Variants in ELF1 observed in about 807,000 individuals in gnomAD.
ELF1 encodes E74 like ETS transcription factor 1, also known as ETS-related transcription factor Elf-1.
A neutral mutation model predicts 59.9 loss-of-function variants in ELF1; 24 were observed. That is an observed-to-expected ratio of 0.40 (90% CI 0.29 to 0.56). ELF1 has a LOEUF of 0.56. Among genes scored for constraint, ELF1 ranks in the 20% least tolerant of loss-of-function variants. The pLI is 0.44. For synonymous variants in ELF1, 248 were observed against 266.2 expected (o/e 0.93, Z 0.67); for missense variants, 627 against 742.2 (o/e 0.84, Z 1.80).
intron 1 of ELF1, among the ~76,000 whole-genome samples, chr13:41,046,084 C>CT (rs771725106): frequency 2.4e-4 from 36 of 152,200 alleles, no homozygotes; most frequent in Non-Finnish European, 4.6e-4. Context: ...AAAGTCTGTT[C>CT]TATCAGAGAC....
rs532698900 is a variant in ELF1, at chr13:40,941,252, C to G, written c.925G>C (p.Glu309Gln). 6.2e-7 allele frequency: 1 copy of G among 1,614,158 alleles called. No individual in the cohort carries two copies. Among genetic ancestry groups the G allele is most frequent in the East Asian group, 2.2e-5 (1 of 44,876 alleles). Reference protein sequence around the residue: ...INDEDPSSSIESSDPSLSSSA... With the variant: ...INDEDPSSSIQSSDPSLSSSA... ...GAAGATAGCGATGGATCTGAAGACT[C>G]TATGCTGGAACTTGGATCCTCATCA... Residue 309 changes from glutamate to glutamine, a missense_variant, in exon 8 of 9, where the codon GAG (glutamate) becomes CAG (glutamine). By Grantham distance (29) the Glu-to-Gln change is conservative (BLOSUM62 2). This residue lies in a region of ELF1 where 361 missense variants were observed against 396.1 expected (regional missense o/e 0.91). Coordinates refer to ENST00000239882, the MANE Select transcript of ELF1 (RefSeq NM_172373.4).
exon 1 of ELF1, chr13:41,060,908 T>TGCCGCCGCCGCCGCCGCC (rs1157339207): frequency 1.5e-5 from 4 of 275,262 alleles, no homozygotes; most frequent in Non-Finnish European, 2.7e-5. Context: ...CTACTGAAGC[T>TGCCGCCGCCGCCGCCGCC]GCTGCTGCCG....
intron 5 of ELF1, among the ~76,000 whole-genome samples, chr13:40,944,912 T>A (rs1401821763): frequency 6.6e-6 from 1 of 151,922 alleles, no homozygotes; most frequent in Non-Finnish European, 1.5e-5. Flanking sequence ...TGACAATTTA[T>A]CCCCAGAAAT....
At chr13:41,009,760 A>C (rs1219137640) in intron 1 of ELF1, among the ~76,000 whole-genome samples, 1 of 152,132 alleles carries the variant, frequency 6.6e-6, no homozygotes, top group East Asian at 1.9e-4. Context: ...GGGAAAAAAA[A>C]CTTCGAATTA....
intron 7 of ELF1, 80 bp downstream of exon 7, chr13:40,942,872 C>A: frequency 7.3e-7 from 1 of 1,371,758 alleles, no homozygotes; most frequent in South Asian, 1.8e-5. Flanking sequence ...TGGTGCTTTG[C>A]TGAACTTAAG....
chr13:41,018,000 T>C (rs1875515598), intron 1 of ELF1, among the ~76,000 whole-genome samples: 1 of 152,168 alleles, frequency 6.6e-6, no homozygotes, highest in Non-Finnish European at 1.5e-5. Flanking sequence ...CAACAATCCT[T>C]ACAAAAGAGT....
At chr13:40,981,934 A>G in intron 2 of ELF1, 49 bp downstream of exon 2, 1 of 1,577,238 alleles carries the variant, frequency 6.3e-7, no homozygotes, top group South Asian at 1.2e-5. Context: ...ATATGAATAG[A>G]AAAATCATAA....
intron 1 of ELF1, among the ~76,000 whole-genome samples, chr13:41,006,627 TAAC>T (rs2138350622): frequency 6.6e-6 from 1 of 152,312 alleles, no homozygotes; most frequent in South Asian, 2.1e-4. Context: ...AATTATCCTA[TAAC>T]AATATGCAAG....
intron 1 of ELF1, among the ~76,000 whole-genome samples, chr13:41,029,531 A>G (rs764974632): frequency 9.2e-5 from 14 of 151,958 alleles, no homozygotes; most frequent in Non-Finnish European, 1.5e-4. Context: ...ACAGGCATGC[A>G]CCACCATGCC....
chr13:40,946,351 T>C (rs929496493), intron 5 of ELF1, among the ~76,000 whole-genome samples: 2 of 152,196 alleles, frequency 1.3e-5, no homozygotes, highest in Non-Finnish European at 2.9e-5. Context: ...AATGAATATA[T>C]TCATCACCCC....
chr13:41,041,992 C>T (rs1020081384), intron 1 of ELF1, among the ~76,000 whole-genome samples: 4 of 152,126 alleles, frequency 2.6e-5, no homozygotes, highest in African/African-American at 9.7e-5. Flanking sequence ...TCAAATATTT[C>T]CTAAACTCTA....
At chr13:41,001,878 A>G (rs1251349545) in intron 1 of ELF1, among the ~76,000 whole-genome samples, 1 of 152,156 alleles carries the variant, frequency 6.6e-6, no homozygotes, top group Non-Finnish European at 1.5e-5. Flanking sequence ...TCAAAGAAAA[A>G]AAAAAATGGG....
rs186413623 is a variant in ELF1 at position 40,979,067 on chromosome 13, C to T, written c.72+2916G>A. Among the ~76,000 whole-genome samples, 865 of 151,994 alleles carry T rather than the reference C, an allele frequency of 5.7e-3. 8 individuals are homozygous for T. The highest frequency in any genetic ancestry group is 0.014 in the South Asian group (65 of 4,810). On this transcript the variant is annotated intron_variant, in intron 2 of 8. Transcript: ENST00000239882. The stretch of plus-strand genomic sequence containing the variant: ...TTCCTTCCCCCATCTAGTAGTCCCT[C>T]TTTATGTCCACGTAACACAGACTTG...
exon 1 of ELF1, chr13:41,061,099 CTTTT>C (rs79032968): frequency 5.4e-5 from 10 of 185,338 alleles, no homozygotes; most frequent in Non-Finnish European, 1.2e-4. Context: ...AGTTTCACCT[CTTTT>C]TTTTTTAACT....
intron 1 of ELF1, among the ~76,000 whole-genome samples, chr13:41,035,709 T>TACAGAAA (rs1876346636): frequency 7.4e-6 from 1 of 135,542 alleles, no homozygotes; most frequent in Admixed American, 7.8e-5. Flanking sequence ...GATACAGAGA[T>TACAGAAA]GAGGAAAAGA....
At position 41,050,028 on chromosome 13, in the gene ELF1, G is replaced by C. The variant is rs186611860; in HGVS notation, c.-229+10810C>G. Among the ~76,000 whole-genome samples the C allele has an allele frequency of 1.4e-4, 21 of 152,118 alleles. No individual in the cohort carries two copies. The East Asian group carries it at 4.1e-3, about 29-fold the overall frequency. On this transcript the variant is annotated intron_variant, in intron 1 of 1. Transcript: ENST00000405737. ...TTGCTTTTTAAAATTATTTAATTGG[G>C]GTAAAGTAGAACAAAACGTATTATC...
At chr13:41,060,588 C>G (rs1877505918) in intron 1 of ELF1, among the ~76,000 whole-genome samples, 1 of 152,138 alleles carries the variant, frequency 6.6e-6, no homozygotes. Context: ...CTCCAAAAGC[C>G]GCAGCCCAGC....
At chr13:40,943,988 A>T in intron 5 of ELF1, 63 bp from the exon 6 acceptor site, 1 of 1,514,924 alleles carries the variant, frequency 6.6e-7, no homozygotes, top group Non-Finnish European at 9.1e-7. Flanking sequence ...TGGACAATTC[A>T]GCTATTTTGT....
At chr13:40,947,955 TC>T (rs1341083557) in intron 5 of ELF1, among the ~76,000 whole-genome samples, 1 of 152,186 alleles carries the variant, frequency 6.6e-6, no homozygotes, top group Non-Finnish European at 1.5e-5. Flanking sequence ...GGTGGGAACT[TC>T]CTCTTCTAGT....
Sources: gnomAD v4.1 joint callset for allele counts (sites outside exome capture counted in the v4.1 genomes callset) on GRCh38, gnomAD v4.1.1 for gene constraint, gnomAD v4.1.1 regional missense constraint, MANE v1.5 for transcripts, NCBI Gene and HGNC (gene_info 2026-07-23, HGNC 2026-07-21) for gene names.